The following SLAIN1 variants were observed in gnomAD, a reference collection of about 807,000 sequenced individuals.
The protein encoded by SLAIN1 is SLAIN family member 1.
A neutral mutation model predicts 55.4 loss-of-function variants in SLAIN1; 17 were observed. That is an observed-to-expected ratio of 0.31 (90% CI 0.21 to 0.46). SLAIN1 has a LOEUF of 0.46. SLAIN1 is among the 20% of genes least tolerant of loss of function. SLAIN1 has a pLI of 1.00. For missense variants in SLAIN1, 682 were observed against 785.1 expected, an observed-to-expected ratio of 0.87 and a Z score of 1.57; for synonymous variants, 348 against 337.4, an observed-to-expected ratio of 1.03 and a Z score of -0.35.
chr13:77,731,051 A>G (rs541256947), intron 2 of SLAIN1, among the ~76,000 whole-genome samples: 1 of 152,282 alleles, frequency 6.6e-6, no homozygotes, highest in East Asian at 1.9e-4. Flanking sequence ...AGAACCTCTC[A>G]TGTTTTAACA....
At chr13:77,725,296 T>C (rs2091297604) in intron 2 of SLAIN1, among the ~76,000 whole-genome samples, 1 of 152,178 alleles carries the variant, frequency 6.6e-6, no homozygotes, top group Admixed American at 6.5e-5. Context: ...TGTTGCAAAG[T>C]GATTAATTGA....
chr13:77,701,825 G>C (rs543256497), intron 1 of SLAIN1, among the ~76,000 whole-genome samples: 1 of 150,406 alleles, frequency 6.6e-6, no homozygotes. Context: ...GTGCAGGTTA[G>C]TTACATATGT....
chr13:77,718,351 A>G (rs1014360214), intron 1 of SLAIN1, among the ~76,000 whole-genome samples: 4 of 152,174 alleles, frequency 2.6e-5, no homozygotes, highest in Non-Finnish European at 5.9e-5. Flanking sequence ...TTATTCGCTT[A>G]CATATTGTCT....
At chr13:77,734,325 T>G (rs1308528267) in intron 2 of SLAIN1, among the ~76,000 whole-genome samples, 1 of 152,134 alleles carries the variant, frequency 6.6e-6, no homozygotes, top group Non-Finnish European at 1.5e-5. Context: ...TAACTGGTAT[T>G]TATAAAGGAC....
At chr13:77,751,672 G>A (rs1184319906) in intron 4 of SLAIN1, among the ~76,000 whole-genome samples, 1 of 152,184 alleles carries the variant, frequency 6.6e-6, no homozygotes, top group Admixed American at 6.5e-5. Context: ...CCAGGCTGGA[G>A]AAGTATAAAG....
Position 77,697,776 on chromosome 13 carries a change from G to T in SLAIN1, c.-138G>T. On this transcript the variant is annotated 5_prime_UTR_variant, in exon 1 of 7. Coordinates refer to ENST00000418532, the MANE Select transcript of SLAIN1 (RefSeq NM_001242868.2). ...CGAGGGCCCGGTGCTGATGCGAACC[G>T]CCGGCTCGGCCTCAGCCCGCGCGTG... 2 of 929,096 alleles carry T rather than the reference G, an allele frequency of 2.2e-6. No homozygotes were observed. The highest frequency in any genetic ancestry group is 1.0e-4 in the South Asian group (2 of 19,506). 57.6% of individuals were successfully genotyped at this position (929,096 alleles called of 1,614,324 possible). A position where few individuals can be genotyped will look rare whatever the true frequency, so the allele number is the denominator to read the frequency against.
chr13:77,747,596 A>G (rs538958013), intron 4 of SLAIN1, among the ~76,000 whole-genome samples: 6 of 152,254 alleles, frequency 3.9e-5, no homozygotes, highest in African/African-American at 1.4e-4. Flanking sequence ...GTGAGGTTGT[A>G]AGCATGAATG....
rs1873236999 is a variant in SLAIN1 at position 77,738,237 on chromosome 13, C to CATATACAT, written c.767-6041_767-6040insCATATATA. Among the ~76,000 whole-genome samples the CATATACAT allele has an allele frequency of 1.6e-4, 9 of 57,360 alleles. No homozygotes were observed. The South Asian group carries it at 2.6e-3, about 16-fold the overall frequency. 37.6% of individuals were successfully genotyped at this position (57,360 alleles called of 152,430 possible). ...ATATACACATACATATATACATATA[C>CATATACAT]ATATATATACACATATATACATATA... On this transcript the variant is annotated intron_variant, in intron 2 of 6. Coordinates refer to ENST00000418532, the MANE Select transcript of SLAIN1 (RefSeq NM_001242868.2).
At chr13:77,748,383 G>A (rs1873979764) in intron 4 of SLAIN1, among the ~76,000 whole-genome samples, 1 of 120,154 alleles carries the variant, frequency 8.3e-6, no homozygotes. Flanking sequence ...GGCACCTAGA[G>A]TTATTTCTCT....
intron 2 of SLAIN1, among the ~76,000 whole-genome samples, chr13:77,721,041 A>G (rs2091256757): frequency 6.6e-6 from 1 of 152,082 alleles, no homozygotes; most frequent in Admixed American, 6.6e-5. Flanking sequence ...CTCGAAGAAA[A>G]CTGATACGGT....
chr13:77,733,122 G>A lies in SLAIN1; in HGVS notation c.767-11161G>A, dbSNP rs910926325. 3.3e-5 allele frequency among the ~76,000 whole-genome samples: 5 copies of A among 152,146 alleles called. 1 individual carries two copies. Among genetic ancestry groups the A allele is most frequent in the Middle Eastern group, 6.8e-3 (2 of 294 alleles). ...GAATAATTATAAAACTCTGATTTCC[G>A]TGGAATAAATGTTATTCAGTAGTAC... On this transcript the variant is annotated intron_variant, in intron 2 of 6. Transcript: ENST00000418532.
chr13:77,719,124 A>G (rs758078347), intron 1 of SLAIN1, among the ~76,000 whole-genome samples: 2 of 152,136 alleles, frequency 1.3e-5, no homozygotes, highest in Non-Finnish European at 2.9e-5. Flanking sequence ...CTTGTTTGTC[A>G]CATCATGTTT....
intron 1 of SLAIN1, among the ~76,000 whole-genome samples, chr13:77,700,305 C>A (rs1195909434): frequency 6.6e-6 from 1 of 152,136 alleles, no homozygotes; most frequent in Non-Finnish European, 1.5e-5. Flanking sequence ...ATTAGCTCTT[C>A]AGATGGTTTG....
rs541647866 is a variant in SLAIN1 at position 77,719,576 on chromosome 13, C to A, written c.671C>A (p.Ser224Tyr). The change falls in exon 2 of 7, where the codon TCC becomes TAC. Residue 224 changes from serine (S) to tyrosine (Y), a missense_variant. By Grantham distance (144) the Ser-to-Tyr change is moderately radical. Coordinates refer to ENST00000418532, the MANE Select transcript of SLAIN1 (RefSeq NM_001242868.2). ...AAGACGTTCACCTCATCAGAGAAAT[C>A]CCTGACTCCTTTGCAGTGGTGTAGA... ...SSKTFTSSEK[S>Y]LTPLQWCRHV... 2.5e-6 allele frequency: 4 copies of A among 1,613,316 alleles called. No homozygotes were observed. In the East Asian group the frequency reaches 8.9e-5, roughly 36 times the overall value.
intron 2 of SLAIN1, among the ~76,000 whole-genome samples, chr13:77,722,973 C>T (rs1433552692): frequency 2.6e-5 from 4 of 152,172 alleles, no homozygotes; most frequent in African/African-American, 9.7e-5. Context: ...GTCTTGAATG[C>T]CTGATCTCAG....
intron 2 of SLAIN1, among the ~76,000 whole-genome samples, chr13:77,722,152 A>G (rs548654400): frequency 5.5e-4 from 84 of 151,956 alleles, no homozygotes; most frequent in Non-Finnish European, 9.6e-4. Flanking sequence ...AGTTTTGTTC[A>G]TGATGTAATT....
At chr13:77,724,274 G>T (rs926340474) in intron 2 of SLAIN1, among the ~76,000 whole-genome samples, 2 of 152,194 alleles carry the variant, frequency 1.3e-5, no homozygotes, top group African/African-American at 2.4e-5. Flanking sequence ...CAGTCACCTG[G>T]TTTTTTTCAC....
chr13:77,716,259 TC>T (rs1464749504), intron 1 of SLAIN1, among the ~76,000 whole-genome samples: 1 of 151,984 alleles, frequency 6.6e-6, no homozygotes, highest in Non-Finnish European at 1.5e-5. Context: ...TTTCCACTGA[TC>T]CGTTTATTTT....
intron 1 of SLAIN1, among the ~76,000 whole-genome samples, chr13:77,717,468 A>T (rs1472546190): frequency 1.3e-5 from 2 of 151,824 alleles, no homozygotes; most frequent in Non-Finnish European, 2.9e-5. Context: ...GTAGTTTTTT[A>T]TTTTTTATTT....
Sources: allele counts gnomAD v4.1 joint callset (sites outside exome capture counted in the v4.1 genomes callset), GRCh38; gene constraint gnomAD v4.1.1; transcripts MANE v1.5; gene names NCBI Gene and HGNC (gene_info 2026-07-23, HGNC 2026-07-21).